RNF6: variants seen among roughly 807,000 people sequenced by gnomAD.
RNF6 encodes the protein E3 ubiquitin-protein ligase RNF6.
In RNF6, 21 loss-of-function variants were observed where a neutral mutation model predicts 50.1. The observed-to-expected ratio is 0.42, with a 90% CI of 0.30 to 0.60. RNF6 has a LOEUF of 0.60. Among genes scored for constraint, RNF6 ranks in the 20% least tolerant of loss-of-function variants. The pLI is 0.20. For synonymous variants in RNF6, 255 were observed against 291.8 expected (o/e 0.87, Z 1.29); for missense variants, 698 against 838.2 (o/e 0.83, Z 2.07).
intron 5 of RNF6, among the ~76,000 whole-genome samples, chr13:26,143,632 C>T (rs9578968): frequency 1.3e-5 from 2 of 152,152 alleles, no homozygotes; most frequent in Non-Finnish European, 2.9e-5. Flanking sequence ...GGAGAAACAG[C>T]ACCATATATT....
At chr13:26,180,412 C>G (rs572569739) in intron 5 of RNF6, among the ~76,000 whole-genome samples, 6 of 152,244 alleles carry the variant, frequency 3.9e-5, no homozygotes, top group African/African-American at 1.4e-4. Context: ...AATTCCAAAA[C>G]AGCAGGCCCC....
chr13:26,218,564 A>G lies in RNF6; in HGVS notation c.236T>C (p.Val79Ala), dbSNP rs1178567388. The change falls in exon 4 of 5, where the codon GTC (valine) becomes GCC (alanine). Residue 79 changes from valine to alanine, a missense_variant. Val to Ala is a moderately conservative substitution (Grantham distance 64). Transcript: ENST00000381588. ...SEELQQRLDG[V>A]KEQLASQPDL... The stretch of plus-strand genomic sequence containing the variant: ...AGGCTGAGATGCTAGTTGTTCCTTG[A>G]CGCCATCTAACCGCTGTTGCAGTTC... 16 of 1,613,822 alleles carry G rather than the reference A, an allele frequency of 9.9e-6. No individual in the cohort carries two copies. The highest frequency in any genetic ancestry group is 1.3e-5 in the African/African-American group (1 of 74,924).
chr13:26,144,269 GA>G (rs964159719), intron 5 of RNF6, among the ~76,000 whole-genome samples: 61 of 151,540 alleles, frequency 4.0e-4, no homozygotes, highest in Admixed American at 8.5e-4. Context: ...GGGTGGCTGG[GA>G]AAAAAAAGGA....
Position 26,214,281 on chromosome 13 carries a change from T to A in RNF6, c.1601A>T (p.Glu534Val), listed in dbSNP as rs1479611829. The stretch of plus-strand genomic sequence containing the variant: ...GGCCTGCCTGTCTTGAGAGGAACCT[T>A]CCCTGTGCTGGCTCCTGTTGTTATC... ...GTDNNRSQHR[E>V]GSSQDRQAQG... The change falls in exon 5 of 5, where the codon GAA becomes GTA. Residue 534 changes from glutamate to valine, a missense_variant. Transcript: ENST00000381588. The A allele has an allele frequency of 6.2e-7, 1 of 1,614,138 alleles. No individual in the cohort carries two copies. The highest frequency in any genetic ancestry group is 2.2e-5 in the East Asian group (1 of 44,878).
rs544604830 is a variant in RNF6, at chr13:26,132,430, T to C, written n.790A>G. ...TTAACAACTGGTTTTCTGGTAGCACTTCAGCTTGTATCTGGCAAAGCCTAC... is the reference window on the plus strand; with the variant it reads ...TTAACAACTGGTTTTCTGGTAGCACCTCAGCTTGTATCTGGCAAAGCCTAC... On this transcript the variant is annotated non_coding_transcript_exon_variant, in exon 6 of 6. Coordinates refer to the RNF6 transcript ENST00000468480. 131 of 460,608 alleles carry C rather than the reference T, an allele frequency of 2.8e-4. 2 individuals carry two copies. Among genetic ancestry groups the C allele is most frequent in the South Asian group, 2.0e-3 (130 of 64,588 alleles). The allele number at this position is 460,608 out of a possible 1,614,324, so 28.5% of individuals were successfully genotyped here.
intron 5 of RNF6, among the ~76,000 whole-genome samples, chr13:26,171,319 A>G (rs1872687505): frequency 6.6e-6 from 1 of 152,228 alleles, no homozygotes; most frequent in Non-Finnish European, 1.5e-5. Context: ...TCATTAGGGA[A>G]GCGCAAATCA....
chr13:26,146,026 T>C (rs1019864550), intron 5 of RNF6, among the ~76,000 whole-genome samples: 2 of 152,182 alleles, frequency 1.3e-5, no homozygotes, highest in African/African-American at 4.8e-5. Flanking sequence ...ACCCCTACTT[T>C]AACTGGTAGA....
At chr13:26,164,475 C>G (rs1310872961) in intron 5 of RNF6, among the ~76,000 whole-genome samples, 1 of 152,210 alleles carries the variant, frequency 6.6e-6, no homozygotes, top group East Asian at 1.9e-4. Flanking sequence ...ACCCCTGAGA[C>G]TTTTTAATAT....
intron 5 of RNF6, among the ~76,000 whole-genome samples, chr13:26,182,157 TTTAATGA>T (rs1298844836): frequency 6.6e-6 from 1 of 152,240 alleles, no homozygotes; most frequent in Non-Finnish European, 1.5e-5. Context: ...CACAAAATAC[TTTAATGA>T]TTAACAAATT....
chr13:26,188,802 G>T lies in RNF6; in HGVS notation n.768+26672C>A, dbSNP rs547791577. On this transcript the variant is annotated intron_variant and non_coding_transcript_variant, in intron 5 of 5. Coordinates refer to the RNF6 transcript ENST00000468480. ...ATGCCACCATGCCCGGTTAATTTTT[G>T]TATTTTTAGTAGAGATGAGGTTTCA... Among the ~76,000 whole-genome samples, 31 of 151,664 alleles carry T rather than the reference G, an allele frequency of 2.0e-4. No homozygotes were observed. The East Asian group carries it at 5.5e-3, about 27-fold the overall frequency.
intron 5 of RNF6, among the ~76,000 whole-genome samples, chr13:26,151,621 C>CTTTTT (rs10682446): frequency 2.9e-4 from 40 of 139,564 alleles, no homozygotes; most frequent in Non-Finnish European, 4.0e-4. Flanking sequence ...TTCTTTTTTT[C>CTTTTT]TTTTTTTTTT....
At chr13:26,150,599 G>A (rs1871539019) in intron 5 of RNF6, among the ~76,000 whole-genome samples, 1 of 151,988 alleles carries the variant, frequency 6.6e-6, no homozygotes, top group South Asian at 2.1e-4. Context: ...ATGACACCTA[G>A]TAAGTCCTGT....
rs901594315 is a variant in RNF6, at chr13:26,213,695, G to A, written c.*129C>T. The A allele has an allele frequency of 2.8e-5, 17 of 598,888 alleles. No homozygotes were observed. The highest frequency in any genetic ancestry group is 2.9e-4 in the Middle Eastern group (1 of 3,410). 37.1% of individuals were successfully genotyped at this position (598,888 alleles called of 1,614,324 possible). On this transcript the variant is annotated 3_prime_UTR_variant, in exon 5 of 5. Coordinates refer to ENST00000381588, the MANE Select transcript of RNF6 (RefSeq NM_005977.4). ...TTTTAACAAGTTTAAAAAAGCACAC[G>A]AAAAATAGTTCAAACTATATATAAT...
chr13:26,134,111 G>A (rs905225419), intron 5 of RNF6, among the ~76,000 whole-genome samples: 2 of 152,210 alleles, frequency 1.3e-5, no homozygotes, highest in African/African-American at 4.8e-5. Context: ...GTTACAGCTG[G>A]GAAAGGGTGA....
intron 3 of RNF6, among the ~76,000 whole-genome samples, chr13:26,218,995 CA>C (rs1019366749): frequency 5.8e-4 from 88 of 152,028 alleles, no homozygotes; most frequent in African/African-American, 2.0e-3. Context: ...TATGGGTCAT[CA>C]ATATACAAAC....
At chr13:26,182,239 C>T (rs1231958669) in intron 5 of RNF6, among the ~76,000 whole-genome samples, 5 of 152,154 alleles carry the variant, frequency 3.3e-5, no homozygotes, top group African/African-American at 1.2e-4. Flanking sequence ...TGGTGTTTCA[C>T]GATCATTCTC....
intron 5 of RNF6, among the ~76,000 whole-genome samples, chr13:26,178,154 A>G (rs1031069525): frequency 6.6e-6 from 1 of 152,184 alleles, no homozygotes; most frequent in East Asian, 1.9e-4. Context: ...ACACCACTGC[A>G]CTCCAGCCTG....
In RNF6 at chr13:26,144,337, T is replaced by G. The variant is rs73482838; in HGVS notation, n.769-11886A>C. Among the ~76,000 whole-genome samples, 1,471 of 152,206 alleles carry G rather than the reference T, an allele frequency of 9.7e-3. 26 individuals carry two copies. Among genetic ancestry groups the G allele is most frequent in the African/African-American group, 0.033 (1,382 of 41,530 alleles). ...CTACCTGATTATTAAAGTTCTCCTT[T>G]GCTGAGGTGACCCCTTGGTAAGCAT... On this transcript the variant is annotated intron_variant and non_coding_transcript_variant, in intron 5 of 5. Coordinates refer to the RNF6 transcript ENST00000468480.
chr13:26,193,175 G>T (rs1868527049), intron 5 of RNF6, among the ~76,000 whole-genome samples: 1 of 152,140 alleles, frequency 6.6e-6, no homozygotes, highest in African/African-American at 2.4e-5. Flanking sequence ...ACATTTGGGG[G>T]AGATGTCTAT....
Sources: gnomAD v4.1 joint callset for allele counts (sites outside exome capture counted in the v4.1 genomes callset) on GRCh38, gnomAD v4.1.1 for gene constraint, MANE v1.5 for transcripts, NCBI Gene and HGNC (gene_info 2026-07-23, HGNC 2026-07-21) for gene names.